ROBO1: variants seen among roughly 807,000 people sequenced by gnomAD.
ROBO1 encodes the protein roundabout guidance receptor 1, also known as roundabout homolog 1.
A neutral mutation model predicts 195.9 loss-of-function variants in ROBO1; 149 were observed. The observed-to-expected ratio is 0.76, with a 90% CI of 0.67 to 0.87. ROBO1 has a LOEUF of 0.87. Ranked by LOEUF, ROBO1 falls within the 40% of genes least tolerant of loss-of-function variation. The pLI is 0.00. For missense variants in ROBO1, 1,933 were observed against 2,068.3 expected, an observed-to-expected ratio of 0.93 and a Z score of 1.27; for synonymous variants, 816 against 733.2, an observed-to-expected ratio of 1.11 and a Z score of -1.82.
intron 4 of ROBO1, among the ~76,000 whole-genome samples, chr3:78,874,219 T>G (rs947234908): frequency 6.6e-6 from 1 of 151,954 alleles, no homozygotes; most frequent in African/African-American, 2.4e-5. Flanking sequence ...AGCAAGCACA[T>G]AGTAGGTACT....
intron 2 of ROBO1, among the ~76,000 whole-genome samples, chr3:79,194,769 G>A (rs1288474546): frequency 1.3e-5 from 2 of 151,532 alleles, no homozygotes; most frequent in Non-Finnish European, 3.0e-5. Flanking sequence ...CAGGTATGTA[G>A]GGGACTGGTT....
chr3:79,482,706 A>T (rs1053775058), intron 2 of ROBO1, among the ~76,000 whole-genome samples: 4 of 152,234 alleles, frequency 2.6e-5, no homozygotes, highest in Non-Finnish European at 5.9e-5. Flanking sequence ...AGTATAAAAT[A>T]AGTGCAAAAT....
chr3:79,289,514 T>G (rs974048700), intron 2 of ROBO1, among the ~76,000 whole-genome samples: 1 of 152,206 alleles, frequency 6.6e-6, no homozygotes, highest in Non-Finnish European at 1.5e-5. Flanking sequence ...TTTACCACTT[T>G]TACTGTCTCC....
chr3:79,517,168 C>T (rs1403035588), intron 2 of ROBO1, among the ~76,000 whole-genome samples: 1 of 152,158 alleles, frequency 6.6e-6, no homozygotes, highest in East Asian at 1.9e-4. Flanking sequence ...TACTGGTTAT[C>T]ACTCGTTCTC....
intron 1 of ROBO1, among the ~76,000 whole-genome samples, chr3:79,595,724 C>CTTT (rs371458059): frequency 7.2e-6 from 1 of 138,430 alleles, no homozygotes; most frequent in African/African-American, 2.6e-5. Flanking sequence ...TTTCTTTTTA[C>CTTT]TTTTTTTTTT....
At chr3:79,316,762 AT>A (rs201356921) in intron 2 of ROBO1, among the ~76,000 whole-genome samples, 5 of 152,036 alleles carry the variant, frequency 3.3e-5, no homozygotes, top group South Asian at 4.1e-4. Flanking sequence ...ACTTATTTGC[AT>A]TTTTTTGTAT....
At chr3:79,182,908 C>T (rs2081369673) in intron 2 of ROBO1, among the ~76,000 whole-genome samples, 3 of 151,732 alleles carry the variant, frequency 2.0e-5, no homozygotes, top group South Asian at 2.1e-4. Flanking sequence ...TGGTGAAACC[C>T]TGTCTTTACT....
At chr3:79,517,185 A>G (rs900778646) in intron 2 of ROBO1, among the ~76,000 whole-genome samples, 34 of 152,118 alleles carry the variant, frequency 2.2e-4, no homozygotes, top group African/African-American at 8.2e-4. Flanking sequence ...TCTCATTTTT[A>G]TTGACTTCCT....
intron 2 of ROBO1, among the ~76,000 whole-genome samples, chr3:79,399,878 G>C (rs532949817): frequency 1.2e-4 from 19 of 152,164 alleles, no homozygotes; most frequent in Non-Finnish European, 2.1e-4. Context: ...AATTGTGATA[G>C]AATTTTTATA....
intron 1 of ROBO1, among the ~76,000 whole-genome samples, chr3:79,766,417 C>T (rs985227780): frequency 5.3e-5 from 8 of 151,760 alleles, no homozygotes; most frequent in African/African-American, 1.9e-4. Context: ...GATGTCTTAG[C>T]ATTCCGTCTC....
chr3:79,242,827 C>T (rs1022948955), intron 2 of ROBO1, among the ~76,000 whole-genome samples: 1 of 151,992 alleles, frequency 6.6e-6, no homozygotes, highest in African/African-American at 2.4e-5. Context: ...TTAACCCTCA[C>T]TATTTCTTTC....
intron 3 of ROBO1, among the ~76,000 whole-genome samples, chr3:78,960,466 T>C (rs1266331960): frequency 6.6e-6 from 1 of 151,686 alleles, no homozygotes; most frequent in East Asian, 1.9e-4. Flanking sequence ...AATAACACTA[T>C]GGAAGAAGAA....
chr3:79,581,150 A>T (rs1560012517), intron 2 of ROBO1, among the ~76,000 whole-genome samples: 3 of 148,128 alleles, frequency 2.0e-5, no homozygotes, highest in African/African-American at 2.5e-5. Context: ...TATTTATTTT[A>T]TTTTTTTTAC....
At chr3:79,440,142 T>C (rs62257567) in intron 2 of ROBO1, among the ~76,000 whole-genome samples, 79,594 of 151,606 alleles carry the variant, frequency 0.53, 20,951 homozygotes, top group East Asian at 0.62. Context: ...CTTCACGCTG[T>C]TGTGAGAGTC....
intron 2 of ROBO1, among the ~76,000 whole-genome samples, chr3:79,260,195 T>C (rs866903510): frequency 6.6e-6 from 1 of 151,884 alleles, no homozygotes; most frequent in Non-Finnish European, 1.5e-5. Flanking sequence ...GTCCTAATTA[T>C]ACAACCAAAA....
intron 5 of ROBO1, among the ~76,000 whole-genome samples, chr3:78,725,451 A>T (rs1235526567): frequency 1.3e-5 from 2 of 152,192 alleles, no homozygotes; most frequent in African/African-American, 2.4e-5. Flanking sequence ...ATATATCAGG[A>T]ATTTTCCCTG....
chr3:79,739,014 G>A (rs1297709954), intron 1 of ROBO1, among the ~76,000 whole-genome samples: 1 of 152,170 alleles, frequency 6.6e-6, no homozygotes, highest in East Asian at 1.9e-4. Context: ...ACATAAATAT[G>A]TTGGCTTAAT....
At chr3:79,299,654 AT>A (rs2109054084) in intron 2 of ROBO1, among the ~76,000 whole-genome samples, 1 of 152,258 alleles carries the variant, frequency 6.6e-6, no homozygotes, top group African/African-American at 2.4e-5. Flanking sequence ...TAAAATAATA[AT>A]TTTTAATTGA....
At chr3:78,689,284 C>T (rs1263442902) in intron 8 of ROBO1, among the ~76,000 whole-genome samples, 1 of 152,110 alleles carries the variant, frequency 6.6e-6, no homozygotes, top group Non-Finnish European at 1.5e-5. Flanking sequence ...GAATCAAATG[C>T]CTCTTTCATT....
Sources: allele counts gnomAD v4.1 joint callset (sites outside exome capture counted in the v4.1 genomes callset), GRCh38; gene constraint gnomAD v4.1.1; transcripts MANE v1.5; gene names NCBI Gene and HGNC (gene_info 2026-07-23, HGNC 2026-07-21).